Variants in NCKAP5 observed in about 807,000 individuals in gnomAD.
The protein encoded by NCKAP5 is NCK associated protein 5.
Under a neutral mutation model 167.0 loss-of-function variants are expected in NCKAP5, and 92 were observed. The ratio of observed to expected loss-of-function variants is 0.55; its 90% CI spans 0.47 to 0.66. NCKAP5 has a LOEUF of 0.66. Among genes scored for constraint, NCKAP5 ranks in the 30% least tolerant of loss-of-function variants. The pLI is 0.00. For missense variants in NCKAP5, 2,378 were observed against 2,315.0 expected (o/e 1.03, Z -0.56); for synonymous variants, 891 against 877.4 (o/e 1.02, Z -0.27).
At chr2:133,660,906 C>T in the NCKAP5 span, among the ~76,000 whole-genome samples, 38 of 151,500 alleles carry the variant, frequency 2.5e-4, no homozygotes, top group African/African-American at 8.3e-4. Flanking sequence ...GTGTAGAAAA[C>T]CTGAATGATT....
intron 4 of NCKAP5, among the ~76,000 whole-genome samples, chr2:133,276,562 G>GAA (rs138741070): frequency 6.8e-6 from 1 of 147,358 alleles, no homozygotes; most frequent in African/African-American, 2.5e-5. Context: ...AACTCTTCTA[G>GAA]AAAAAAAAAA....
At chr2:133,664,979 T>G in the NCKAP5 span, among the ~76,000 whole-genome samples, 46 of 152,312 alleles carry the variant, frequency 3.0e-4, no homozygotes, top group South Asian at 8.1e-3. Flanking sequence ...TTCCACAGTT[T>G]TTTCATCCTC....
At chr2:133,022,115 C>T (rs1422782809) in intron 6 of NCKAP5, among the ~76,000 whole-genome samples, 1 of 151,824 alleles carries the variant, frequency 6.6e-6, no homozygotes, top group African/African-American at 2.4e-5. Flanking sequence ...AAGAGTGTGA[C>T]TTCCATCTTA....
chr2:133,637,264 C>A, the NCKAP5 span, among the ~76,000 whole-genome samples: 8 of 151,132 alleles, frequency 5.3e-5, no homozygotes, highest in African/African-American at 1.2e-4. Context: ...AAAGCCAGAG[C>A]CAAAATACTA....
intron 3 of NCKAP5, among the ~76,000 whole-genome samples, chr2:133,356,607 C>T (rs766224146): frequency 1.3e-5 from 2 of 152,142 alleles, no homozygotes; most frequent in Non-Finnish European, 2.9e-5. Context: ...TAGGAAAGGA[C>T]ATCTTTGGGT....
chr2:133,046,854 A>G (rs1197041469), intron 6 of NCKAP5, among the ~76,000 whole-genome samples: 1 of 152,206 alleles, frequency 6.6e-6, no homozygotes, highest in African/African-American at 2.4e-5. Flanking sequence ...AAGGGAAGAA[A>G]CATAAGGGGT....
chr2:132,809,229 G>A (rs1685669108), intron 11 of NCKAP5, among the ~76,000 whole-genome samples: 1 of 152,078 alleles, frequency 6.6e-6, no homozygotes, highest in East Asian at 1.9e-4. Context: ...CTATTGAATA[G>A]AATGTGTATT....
At chr2:133,061,655 T>C (rs545863544) in intron 6 of NCKAP5, among the ~76,000 whole-genome samples, 5 of 152,306 alleles carry the variant, frequency 3.3e-5, no homozygotes, top group African/African-American at 9.6e-5. Flanking sequence ...GATGAACACA[T>C]TGTCTGACGG....
intron 8 of NCKAP5, among the ~76,000 whole-genome samples, chr2:132,913,515 C>G (rs984780051): frequency 2.6e-5 from 4 of 152,084 alleles, no homozygotes; most frequent in Non-Finnish European, 5.9e-5. Flanking sequence ...ATGCCTGCTA[C>G]CTAGTTAGCT....
At chr2:133,355,966 C>T (rs767262236) in intron 3 of NCKAP5, among the ~76,000 whole-genome samples, 4 of 151,742 alleles carry the variant, frequency 2.6e-5, no homozygotes, top group Non-Finnish European at 2.9e-5. Flanking sequence ...CTCCATCTGT[C>T]GCGCAGGCTG....
chr2:133,590,581 G>A, the NCKAP5 span, among the ~76,000 whole-genome samples: 6 of 149,852 alleles, frequency 4.0e-5, no homozygotes, highest in East Asian at 1.2e-3. Context: ...GCAGAGGCCT[G>A]AGAACATGAC....
At chr2:133,641,751 G>A in the NCKAP5 span, among the ~76,000 whole-genome samples, 7 of 152,308 alleles carry the variant, frequency 4.6e-5, no homozygotes, top group South Asian at 1.5e-3. Flanking sequence ...GGAACTAGAG[G>A]GAGTGGCAAG....
rs145558038 is a variant in NCKAP5 at position 132,951,784 on chromosome 2, A to T, written c.579+11936T>A. 3.3e-3 allele frequency among the ~76,000 whole-genome samples: 503 copies of T among 152,296 alleles called. 4 individuals carry two copies. The highest frequency in any genetic ancestry group is 0.011 in the African/African-American group (476 of 41,556). The stretch of plus-strand genomic sequence containing the variant: ...ATGTAACATTTTCTCCTGGCAAACT[A>T]TTAGAGTTAATAGAATGCTGTGGTT... On this transcript the variant is annotated intron_variant, in intron 8 of 19. Transcript: ENST00000409261.
chr2:132,796,064 C>G (rs911369031), intron 12 of NCKAP5, among the ~76,000 whole-genome samples: 1 of 151,902 alleles, frequency 6.6e-6, no homozygotes, highest in Non-Finnish European at 1.5e-5. Context: ...TGGAATTATT[C>G]AGTAAAATAA....
At chr2:132,969,906 C>A (rs774600509) in intron 7 of NCKAP5, among the ~76,000 whole-genome samples, 14 of 152,156 alleles carry the variant, frequency 9.2e-5, no homozygotes, top group Non-Finnish European at 2.1e-4. Context: ...GTTTCTTAAT[C>A]ATTTAAGATT....
rs111616894 is a variant in NCKAP5 at position 132,767,247 on chromosome 2, CT to C, written c.5128+6568del. On this transcript the variant is annotated intron_variant, in intron 16 of 19. Transcript: ENST00000409261. Reference sequence around the variant, plus strand: ...CAAGAGTTCTTATTCTTCTTTTTTTCTTTTTTTTTCTTTTTTGAGACAGAGC... The same window carrying C: ...CAAGAGTTCTTATTCTTCTTTTTTTCTTTTTTTTCTTTTTTGAGACAGAGC... Among the ~76,000 whole-genome samples the C allele has an allele frequency of 1.3e-4, 20 of 148,460 alleles. No individual in the cohort carries two copies. The East Asian group carries it at 3.7e-3, about 27-fold the overall frequency.
At chr2:133,390,527 T>C (rs1008613382) in intron 3 of NCKAP5, among the ~76,000 whole-genome samples, 23 of 152,218 alleles carry the variant, frequency 1.5e-4, no homozygotes, top group Non-Finnish European at 2.4e-4. Flanking sequence ...GAAAATGCTC[T>C]TTCTAATCTT....
intron 2 of NCKAP5, among the ~76,000 whole-genome samples, chr2:133,552,696 GTAAC>G (rs1687437063): frequency 6.8e-6 from 1 of 146,160 alleles, no homozygotes; most frequent in Admixed American, 6.9e-5. Context: ...GTATACATAT[GTAAC>G]TAACCTGCAC....
At chr2:133,338,330 T>C (rs1164632554) in intron 3 of NCKAP5, among the ~76,000 whole-genome samples, 1 of 152,222 alleles carries the variant, frequency 6.6e-6, no homozygotes, top group Non-Finnish European at 1.5e-5. Context: ...ATTCTAAATG[T>C]ACACGAATGA....
Sources: gnomAD v4.1 joint callset for allele counts (sites outside exome capture counted in the v4.1 genomes callset) on GRCh38, gnomAD v4.1.1 for gene constraint, MANE v1.5 for transcripts, NCBI Gene and HGNC (gene_info 2026-07-23, HGNC 2026-07-21) for gene names.